The following SDK1 variants were observed in gnomAD, a reference collection of about 807,000 sequenced individuals.
SDK1 encodes the protein protein sidekick-1.
A neutral mutation model predicts 245.5 loss-of-function variants in SDK1; 157 were observed. The observed-to-expected ratio is 0.64, with a 90% confidence interval of 0.56 to 0.73. The LOEUF is 0.73. Among genes scored for constraint, SDK1 ranks in the 30% least tolerant of loss-of-function variants. The pLI is 0.00. For missense variants in SDK1, 3,583 were observed against 3,002.3 expected (o/e 1.19, Z -4.52); for synonymous variants, 1,647 against 1,278.5 (o/e 1.29, Z -6.15).
intron 1 of SDK1, among the ~76,000 whole-genome samples, chr7:3,540,442 A>G (rs1444654239): frequency 6.6e-6 from 1 of 152,150 alleles, no homozygotes; most frequent in Admixed American, 6.5e-5. Context: ...GTTGCTGGGA[A>G]CCTTCATTTA....
chr7:3,383,846 G>A (rs1781547617), intron 1 of SDK1, among the ~76,000 whole-genome samples: 1 of 152,206 alleles, frequency 6.6e-6, no homozygotes, highest in Admixed American at 6.5e-5. Flanking sequence ...AAGGACAACA[G>A]TAAATAGTGC....
chr7:3,804,579 A>C (rs916586987), intron 4 of SDK1, among the ~76,000 whole-genome samples: 1 of 152,146 alleles, frequency 6.6e-6, no homozygotes, highest in Non-Finnish European at 1.5e-5. Context: ...TTATTTTTAG[A>C]ATATTTTCTC....
intron 4 of SDK1, among the ~76,000 whole-genome samples, chr7:3,668,080 C>A (rs1459313111): frequency 6.6e-6 from 1 of 152,136 alleles, no homozygotes; most frequent in Admixed American, 6.5e-5. Flanking sequence ...ACAAAACTAT[C>A]ATTTGAGGTA....
chr7:4,162,544 C>T (rs992201667), intron 32 of SDK1, among the ~76,000 whole-genome samples: 14 of 152,082 alleles, frequency 9.2e-5, no homozygotes, highest in African/African-American at 3.4e-4. Context: ...GGATTACAGG[C>T]GCATGCCCCT....
At chr7:3,902,420 C>T (rs377086073) in intron 5 of SDK1, among the ~76,000 whole-genome samples, 4 of 152,222 alleles carry the variant, frequency 2.6e-5, no homozygotes, top group Non-Finnish European at 5.9e-5. Flanking sequence ...TACTACTGCT[C>T]ACTACAAATT....
At chr7:3,381,570 C>T (rs544436976) in intron 1 of SDK1, among the ~76,000 whole-genome samples, 3 of 152,000 alleles carry the variant, frequency 2.0e-5, no homozygotes, top group Admixed American at 6.5e-5. Context: ...TAAAGGCTGG[C>T]GATACTGTAG....
In SDK1 at chr7:4,178,722, T is replaced by G. The variant is rs969855818; in HGVS notation, c.5098+136T>G. On this transcript the variant is annotated intron_variant, in intron 35 of 44. Coordinates refer to ENST00000404826, the MANE Select transcript of SDK1 (RefSeq NM_152744.4). ...GAACACATTGCTGTCGGGGCTGAGG[T>G]CTCCACGCCACTGGCAGGGAAAGAT... 3 of 630,044 alleles carry G rather than the reference T, an allele frequency of 4.8e-6. No individual in the cohort carries two copies. In the African/African-American group the frequency reaches 5.5e-5, roughly 12 times the overall value. The allele number at this position is 630,044 out of a possible 1,614,324, so 39.0% of individuals were successfully genotyped here. A position where few individuals can be genotyped will look rare whatever the true frequency, so the allele number is the denominator to read the frequency against.
intron 1 of SDK1, among the ~76,000 whole-genome samples, chr7:3,334,927 G>A (rs980869540): frequency 6.6e-6 from 1 of 151,964 alleles, no homozygotes; most frequent in Non-Finnish European, 1.5e-5. Context: ...TTAATAAGTG[G>A]CTTTATCATT....
intron 1 of SDK1, among the ~76,000 whole-genome samples, chr7:3,441,315 C>A (rs1780189817): frequency 6.6e-6 from 1 of 151,934 alleles, no homozygotes. Flanking sequence ...TGACTGGGGC[C>A]TTTGAATGTA....
At chr7:4,257,774 C>G (rs1429742540) in intron 44 of SDK1, among the ~76,000 whole-genome samples, 1 of 152,232 alleles carries the variant, frequency 6.6e-6, no homozygotes, top group Admixed American at 6.5e-5. Flanking sequence ...ACTGGCCACT[C>G]AGAACTCACG....
chr7:3,997,076 C>T (rs1057436830), intron 14 of SDK1, among the ~76,000 whole-genome samples: 37 of 152,288 alleles, frequency 2.4e-4, no homozygotes, highest in Non-Finnish European at 2.6e-4. Context: ...CTTCCTGGCC[C>T]TTTCTAGTCA....
chr7:3,405,814 C>CTTTT (rs534692477), intron 1 of SDK1, among the ~76,000 whole-genome samples: 138 of 125,274 alleles, frequency 1.1e-3, no homozygotes, highest in African/African-American at 1.6e-3. Flanking sequence ...TTCTTTCTTT[C>CTTTT]TTTTTTTTTT....
chr7:4,071,988 G>T (rs990464841), intron 20 of SDK1, among the ~76,000 whole-genome samples: 4 of 152,114 alleles, frequency 2.6e-5, no homozygotes, highest in African/African-American at 9.7e-5. Context: ...GTTTAAAGCT[G>T]AAAGAAAAAA....
At chr7:3,496,872 G>C (rs1449037621) in intron 1 of SDK1, among the ~76,000 whole-genome samples, 1 of 152,154 alleles carries the variant, frequency 6.6e-6, no homozygotes, top group African/African-American at 2.4e-5. Flanking sequence ...ACCACAGTTA[G>C]GTTAGTAGTG....
intron 1 of SDK1, among the ~76,000 whole-genome samples, chr7:3,351,025 A>G (rs76340218): frequency 0.019 from 2,949 of 152,306 alleles, 54 homozygotes; most frequent in Non-Finnish European, 0.027. Context: ...ATAGATATCT[A>G]TGTTGTGATA....
chr7:3,918,427 G>T (rs933124018), intron 5 of SDK1, among the ~76,000 whole-genome samples: 3 of 152,128 alleles, frequency 2.0e-5, no homozygotes, highest in Non-Finnish European at 2.9e-5. Flanking sequence ...CTGTGCCCGC[G>T]AGGCATCTAG....
chr7:3,609,324 T>C (rs1781517635), intron 1 of SDK1, among the ~76,000 whole-genome samples: 1 of 152,188 alleles, frequency 6.6e-6, no homozygotes, highest in African/African-American at 2.4e-5. Context: ...GCTTTGTTGA[T>C]TGAGAAACCC....
intron 4 of SDK1, among the ~76,000 whole-genome samples, chr7:3,737,085 T>C (rs778633098): frequency 1.3e-5 from 2 of 152,194 alleles, no homozygotes; most frequent in Non-Finnish European, 2.9e-5. Flanking sequence ...TTATCACAAA[T>C]GGAGGGATGT....
chr7:3,676,651 G>T (rs1448213373), intron 4 of SDK1, among the ~76,000 whole-genome samples: 1 of 152,140 alleles, frequency 6.6e-6, no homozygotes, highest in Non-Finnish European at 1.5e-5. Context: ...TAAGCTTGAG[G>T]TCTTATATTT....
Sources: allele counts gnomAD v4.1 joint callset (sites outside exome capture counted in the v4.1 genomes callset), GRCh38; gene constraint gnomAD v4.1.1; transcripts MANE v1.5; gene names NCBI Gene and HGNC (gene_info 2026-07-23, HGNC 2026-07-21).